CYFIP2: variants seen among roughly 807,000 people sequenced by gnomAD.
CYFIP2 encodes the protein cytoplasmic FMR1 interacting protein 2.
A neutral mutation model predicts 158.7 loss-of-function variants in CYFIP2; 29 were observed. The observed-to-expected ratio is 0.18, with a 90% CI of 0.14 to 0.25. The LOEUF (loss-of-function observed/expected upper bound fraction) is 0.25, where lower values mean the gene tolerates loss of function less well. CYFIP2 is among the 10% of genes least tolerant of loss of function. CYFIP2 has a pLI of 1.00. For missense variants in CYFIP2, 852 were observed against 1,639.5 expected, an observed-to-expected ratio of 0.52 and a Z score of 8.29; for synonymous variants, 585 against 617.6, an observed-to-expected ratio of 0.95 and a Z score of 0.78.
chr5:157,390,343 C>T (rs908286141), intron 29 of CYFIP2, among the ~76,000 whole-genome samples, 178 bp from the exon 30 acceptor site: 1 of 152,076 alleles, frequency 6.6e-6, no homozygotes, highest in Non-Finnish European at 1.5e-5. Context: ...AACTACCATC[C>T]CTGCAACTAA....
chr5:157,384,586 G>A (rs1766465649), intron 28 of CYFIP2: 1 of 435,300 alleles, frequency 2.3e-6, no homozygotes, highest in Non-Finnish European at 4.8e-6. Flanking sequence ...TCATGCTGAG[G>A]AAGCCACCCC....
chr5:157,327,205 T>TA (rs1297108360), intron 18 of CYFIP2, among the ~76,000 whole-genome samples: 2 of 152,190 alleles, frequency 1.3e-5, no homozygotes, highest in Non-Finnish European at 2.9e-5. Context: ...CTTTATTCAT[T>TA]AAAAACCAAA....
At position 157,359,150 on chromosome 5, in the gene CYFIP2, TAAGGA is replaced by T. The variant is rs1176706783; in HGVS notation, c.2817+7_2817+11del. 6 of 1,613,976 alleles carry T rather than the reference TAAGGA, an allele frequency of 3.7e-6. No homozygotes were observed. Among genetic ancestry groups the T allele is most frequent in the Non-Finnish European group, 5.1e-6 (6 of 1,179,850 alleles). ...CTGCTAAAGATTGTGAAGAGCTTGG[TAAGGA>T]AAGGCCTCAGTGTGGCTTGAGATAT... is the stretch of plus-strand genomic sequence containing the variant. On this transcript the variant is annotated splice_donor_5th_base_variant and intron_variant, in intron 24 of 30. Transcript: ENST00000620254.
chr5:157,306,739 G>A (rs574067911), intron 8 of CYFIP2, among the ~76,000 whole-genome samples: 19 of 151,982 alleles, frequency 1.3e-4, no homozygotes, highest in African/African-American at 3.9e-4. Context: ...AAAATTAGCC[G>A]GGGGTGGTGG....
At position 157,311,727 on chromosome 5, in the gene CYFIP2, C is replaced by A. The variant is rs1403614023; in HGVS notation, c.1056C>A (p.Ile352=). ...ATATCTGCGAGCAGATGGTTCAGAT[C>A]CGGGATGACCACATCCGCTTCATCT... ...QYNICEQMVQ[I]RDDHIRFISE... is the part of the protein sequence containing the mutation. The change falls in exon 11 of 31, where the codon ATC becomes ATA. Residue 352 remains isoleucine (I), a synonymous_variant. Coordinates refer to ENST00000620254, the MANE Select transcript of CYFIP2 (RefSeq NM_001037333.3). The surrounding 1 kb of genome is among the most constrained non-coding windows in gnomAD (Gnocchi z 4.7). The A allele has an allele frequency of 3.1e-6, 5 of 1,609,330 alleles. No homozygotes were observed. The South Asian group carries it at 3.3e-5, about 11-fold the overall frequency.
chr5:157,316,227 A>T (rs1396190706), intron 13 of CYFIP2, among the ~76,000 whole-genome samples: 2 of 152,242 alleles, frequency 1.3e-5, no homozygotes, highest in Non-Finnish European at 2.9e-5. Context: ...ATGCAAAAAT[A>T]TATCTAGAAA....
At chr5:157,384,293 C>A (rs1182147216) in intron 28 of CYFIP2, 1 of 456,766 alleles carries the variant, frequency 2.2e-6, no homozygotes, top group Non-Finnish European at 4.4e-6. Flanking sequence ...CATGTGCTAT[C>A]TCCTTTCAAG....
rs752500753 is a variant in CYFIP2, at chr5:157,311,368, G to C, written c.993-296G>C. The stretch of plus-strand genomic sequence containing the variant: ...ATCCCTTTGTAGTCCTAGAGAGGCT[G>C]TGTTCCCGCCCCTCTCATATTACTG... On this transcript the variant is annotated intron_variant, in intron 10 of 30. Coordinates refer to ENST00000620254, the MANE Select transcript of CYFIP2 (RefSeq NM_001037333.3). The surrounding 1 kb of genome is among the most constrained non-coding windows in gnomAD (Gnocchi z 4.7). 9.1e-6 allele frequency: 4 copies of C among 438,286 alleles called. No individual in the cohort carries two copies. The highest frequency in any genetic ancestry group is 1.7e-5 in the Non-Finnish European group (4 of 235,410). 27.1% of individuals were successfully genotyped at this position (438,286 alleles called of 1,614,324 possible). A position where few individuals can be genotyped will look rare whatever the true frequency, so the allele number is the denominator to read the frequency against.
chr5:157,361,528 C>T lies in CYFIP2; in HGVS notation c.2969C>T (p.Thr990Ile), dbSNP rs1241280030. The change falls in exon 26 of 31, where the codon ACA becomes ATA. Residue 990 changes from threonine (T) to isoleucine (I), a missense_variant. Around this residue, in one of 8 missense-constraint regions of CYFIP2, gnomAD observed 223 missense variants for 381.6 expected, o/e 0.58. Transcript: ENST00000620254. This position sits in a 1 kb window ranked among gnomAD's most constrained non-coding sequence, Gnocchi z 4.4. ...KDIIEYAELKTDVFQSLREVG... is the reference protein window; with the variant it reads ...KDIIEYAELKIDVFQSLREVG... The stretch of plus-strand genomic sequence containing the variant: ...ATCATTGAGTACGCAGAGCTCAAAA[C>T]AGACGTGTTCCAGAGCCTGAGGGAA... 6.2e-7 allele frequency: 1 copy of T among 1,614,094 alleles called. No individual in the cohort carries two copies. Among genetic ancestry groups the T allele is most frequent in the Non-Finnish European group, 8.5e-7 (1 of 1,180,016 alleles).
intron 20 of CYFIP2, 95 bp from the exon 21 acceptor site, chr5:157,333,232 C>T (rs1185412562): frequency 6.5e-7 from 1 of 1,539,588 alleles, no homozygotes; most frequent in Middle Eastern, 1.7e-4. Flanking sequence ...CTCACTCCCA[C>T]CTTGGTCCCC....
intron 23 of CYFIP2, among the ~76,000 whole-genome samples, chr5:157,348,337 C>T (rs1473049796): frequency 6.6e-6 from 1 of 152,202 alleles, no homozygotes; most frequent in Non-Finnish European, 1.5e-5. Flanking sequence ...GCCTTGACCT[C>T]CCAAGGCTCA....
chr5:157,267,350 C>T (rs1283525831), intron 1 of CYFIP2, among the ~76,000 whole-genome samples: 2 of 152,222 alleles, frequency 1.3e-5, no homozygotes, highest in Non-Finnish European at 2.9e-5. Flanking sequence ...CATTTCCTGC[C>T]TCCTGTCTGT....
chr5:157,335,424 T>A (rs1761779819), intron 21 of CYFIP2, among the ~76,000 whole-genome samples: 1 of 152,154 alleles, frequency 6.6e-6, no homozygotes, highest in African/African-American at 2.4e-5. Flanking sequence ...ACTACAGGCA[T>A]GTGCCACCAG....
intron 3 of CYFIP2, among the ~76,000 whole-genome samples, chr5:157,293,320 T>A (rs912981450): frequency 3.3e-5 from 5 of 152,162 alleles, no homozygotes; most frequent in Non-Finnish European, 5.9e-5. Context: ...CCTTTCAAAG[T>A]GCTAGGATTA....
At chr5:157,302,488 T>A (rs964947505) in intron 6 of CYFIP2, among the ~76,000 whole-genome samples, 8 of 152,172 alleles carry the variant, frequency 5.3e-5, no homozygotes, top group Non-Finnish European at 8.8e-5. Flanking sequence ...TTCACTCCTG[T>A]TTTACCACTC....
In CYFIP2 at chr5:157,283,043, T is replaced by G. The variant is rs531075448; in HGVS notation, c.-23-2296T>G. ...AAACCTCCACTTATCGAGTGTAATC[T>G]CAAAATGTGAGCATGAGCCCTTGGA... is the stretch of plus-strand genomic sequence containing the variant. On this transcript the variant is annotated intron_variant, in intron 1 of 30. Transcript: ENST00000620254. Among the ~76,000 whole-genome samples the G allele has an allele frequency of 9.9e-4, 151 of 152,282 alleles. 1 individual carries two copies. Among genetic ancestry groups the G allele is most frequent in the African/African-American group, 3.4e-3 (140 of 41,556 alleles).
intron 3 of CYFIP2, among the ~76,000 whole-genome samples, chr5:157,290,192 G>C (rs1015193276): frequency 6.6e-6 from 1 of 152,186 alleles, no homozygotes; most frequent in African/African-American, 2.4e-5. Context: ...AAACTTAGTG[G>C]CTTAGAAGAA....
intron 9 of CYFIP2, among the ~76,000 whole-genome samples, chr5:157,308,578 T>C (rs1341097855): frequency 6.6e-6 from 1 of 152,216 alleles, no homozygotes; most frequent in Non-Finnish European, 1.5e-5. Flanking sequence ...AGGTCAGTCA[T>C]GGGAAAGCCC....
chr5:157,326,273 T>C lies in CYFIP2; in HGVS notation c.2079+6T>C. On this transcript the variant is annotated splice_donor_region_variant and intron_variant, in intron 18 of 30. Coordinates refer to ENST00000620254, the MANE Select transcript of CYFIP2 (RefSeq NM_001037333.3). ...ACGATGAGATAGAAGCTGAGGCAAG[T>C]GATGTGCTTCTCTTTTTGCTCCTTT... is the stretch of plus-strand genomic sequence containing the variant. The C allele has an allele frequency of 6.2e-7, 1 of 1,607,206 alleles. No homozygotes were observed. Among genetic ancestry groups the C allele is most frequent in the Non-Finnish European group, 8.5e-7 (1 of 1,173,658 alleles).
Sources: allele counts gnomAD v4.1 joint callset (sites outside exome capture counted in the v4.1 genomes callset), GRCh38; gene constraint gnomAD v4.1.1; regional missense constraint gnomAD v4.1.1; non-coding constraint Gnocchi (gnomAD v3.1); transcripts MANE v1.5; gene names NCBI Gene and HGNC (gene_info 2026-07-23, HGNC 2026-07-21).